Variants in SH2D4A observed in about 807,000 individuals in gnomAD.
SH2D4A encodes the protein SH2 domain containing 4A.
Under a neutral mutation model 64.7 loss-of-function variants are expected in SH2D4A, and 70 were observed. The ratio of observed to expected loss-of-function variants is 1.08; its 90% CI spans 0.89 to 1.32. The LOEUF (loss-of-function observed/expected upper bound fraction) is 1.32. Among genes scored for constraint, SH2D4A ranks in the 40% most tolerant of loss-of-function variants. The pLI is 0.00. For missense variants in SH2D4A, 706 were observed against 540.1 expected (o/e 1.31, Z -3.04); for synonymous variants, 268 against 200.7 (o/e 1.34, Z -2.83).
At chr8:19,372,796 C>T (rs2053125050) in intron 7 of SH2D4A, among the ~76,000 whole-genome samples, 1 of 151,182 alleles carries the variant, frequency 6.6e-6, no homozygotes, top group African/African-American at 2.4e-5. Flanking sequence ...GTATCTTTGT[C>T]TTTTCAAACT....
At chr8:19,329,797 C>T (rs184101130) in intron 2 of SH2D4A, among the ~76,000 whole-genome samples, 21 of 152,290 alleles carry the variant, frequency 1.4e-4, no homozygotes, top group Non-Finnish European at 2.5e-4. Flanking sequence ...CCATGTAAGA[C>T]GTTACAGGTG....
At chr8:19,359,733 G>A (rs999640983) in intron 5 of SH2D4A, among the ~76,000 whole-genome samples, 1 of 144,520 alleles carries the variant, frequency 6.9e-6, no homozygotes, top group Non-Finnish European at 1.5e-5. Context: ...CAGAAGTTTA[G>A]TTACATCTGC....
chr8:19,332,691 CAAAAA>C (rs58695585), intron 2 of SH2D4A, among the ~76,000 whole-genome samples: 7,356 of 81,546 alleles, frequency 0.09, 349 homozygotes, highest in African/African-American at 0.17. Flanking sequence ...GTGAGACTGT[CAAAAA>C]AAAAAAAAAA....
At chr8:19,352,187 A>T (rs1243924642) in intron 4 of SH2D4A, among the ~76,000 whole-genome samples, 1 of 152,262 alleles carries the variant, frequency 6.6e-6, no homozygotes, top group Non-Finnish European at 1.5e-5. Flanking sequence ...TTTGACAGAC[A>T]GACTCTGGGG....
chr8:19,350,255 G>T (rs1292957111), intron 4 of SH2D4A, among the ~76,000 whole-genome samples: 2 of 152,030 alleles, frequency 1.3e-5, no homozygotes, highest in Admixed American at 6.6e-5. Flanking sequence ...AAACTCCCTC[G>T]CATGTGAATG....
At position 19,314,796 on chromosome 8, in the gene SH2D4A, G is replaced by A. The variant is rs117137676; in HGVS notation, c.-205+973G>A. On this transcript the variant is annotated intron_variant, in intron 1 of 9. Coordinates refer to ENST00000265807, the MANE Select transcript of SH2D4A (RefSeq NM_022071.4). ...GGAATTCTCTATGTATACTAAATCT[G>A]TGTGTACAGTAATCTCAAATTTCTG... Among the ~76,000 whole-genome samples, 63 of 152,340 alleles carry A rather than the reference G, an allele frequency of 4.1e-4. No individual in the cohort carries two copies. The East Asian group carries it at 0.011, about 26-fold the overall frequency.
At chr8:19,380,353 T>C (rs1481890325) in intron 8 of SH2D4A, among the ~76,000 whole-genome samples, 1 of 152,204 alleles carries the variant, frequency 6.6e-6, no homozygotes, top group Non-Finnish European at 1.5e-5. Flanking sequence ...TGTCTTTTGA[T>C]GTATAAAATG....
At chr8:19,383,660 G>C (rs534949445) in intron 8 of SH2D4A, among the ~76,000 whole-genome samples, 1 of 151,794 alleles carries the variant, frequency 6.6e-6, no homozygotes, top group Non-Finnish European at 1.5e-5. Flanking sequence ...ATTGTTATAG[G>C]CTTTCTCTAT....
intron 7 of SH2D4A, among the ~76,000 whole-genome samples, chr8:19,373,316 C>G (rs1440203440): frequency 7.0e-6 from 1 of 142,932 alleles, no homozygotes; most frequent in Admixed American, 6.8e-5. Context: ...CTCCCATTCT[C>G]TCTCTCCCCC....
intron 8 of SH2D4A, among the ~76,000 whole-genome samples, chr8:19,387,964 C>T (rs1251326184): frequency 1.3e-5 from 2 of 152,186 alleles, no homozygotes; most frequent in African/African-American, 4.8e-5. Flanking sequence ...AGGAGCTTCT[C>T]AGTCCTCAGC....
At chr8:19,351,462 G>A (rs1426262408) in intron 4 of SH2D4A, among the ~76,000 whole-genome samples, 1 of 151,984 alleles carries the variant, frequency 6.6e-6, no homozygotes, top group Non-Finnish European at 1.5e-5. Context: ...AATTAGCCAG[G>A]CGTGCTGGCA....
At chr8:19,370,572 C>G (rs2053078100) in intron 7 of SH2D4A, among the ~76,000 whole-genome samples, 1 of 151,968 alleles carries the variant, frequency 6.6e-6, no homozygotes, top group Admixed American at 6.6e-5. Context: ...CTTTTGGTTT[C>G]CATTTGCATA....
chr8:19,319,285 CT>C lies in SH2D4A; in HGVS notation c.-204-58del. 2.6e-6 allele frequency: 3 copies of C among 1,132,738 alleles called. No individual in the cohort carries two copies. The East Asian group carries it at 1.3e-4, about 50-fold the overall frequency. 70.2% of individuals were successfully genotyped at this position (1,132,738 alleles called of 1,614,324 possible). A position where few individuals can be genotyped will look rare whatever the true frequency, so the allele number is the denominator to read the frequency against. On this transcript the variant is annotated intron_variant, in intron 1 of 9. Coordinates refer to ENST00000265807, the MANE Select transcript of SH2D4A (RefSeq NM_022071.4). Reference sequence around the variant, plus strand: ...CCTAGCTTTTTTTTTTAAACCCGTCCTAGCCAGTGTCCACACATTTTAACAC... The same window carrying C: ...CCTAGCTTTTTTTTTTAAACCCGTCCAGCCAGTGTCCACACATTTTAACAC...
rs1563181672 is a variant in SH2D4A, at chr8:19,319,457, A to C, written c.-91A>C. The C allele has an allele frequency of 5.9e-6, 8 of 1,350,524 alleles. No homozygotes were observed. The highest frequency in any genetic ancestry group is 7.6e-6 in the Non-Finnish European group (8 of 1,046,430). The allele number at this position is 1,350,524 out of a possible 1,614,324, so 83.7% of individuals were successfully genotyped here. Reference sequence around the variant, plus strand: ...TGAGCTGTTTGGGAAGTTTCGTGGAAACGCCCAAGTGCCAGCACAGGTGGA... The same window carrying C: ...TGAGCTGTTTGGGAAGTTTCGTGGACACGCCCAAGTGCCAGCACAGGTGGA... On this transcript the variant is annotated 5_prime_UTR_variant, in exon 2 of 10. Transcript: ENST00000265807.
intron 4 of SH2D4A, among the ~76,000 whole-genome samples, chr8:19,355,073 C>T (rs1452231956): frequency 2.6e-5 from 4 of 152,124 alleles, no homozygotes; most frequent in Non-Finnish European, 5.9e-5. Flanking sequence ...TGATAAGTAG[C>T]AATTGTGAAA....
intron 1 of SH2D4A, 128 bp downstream of exon 1, chr8:19,313,951 C>A: frequency 7.8e-7 from 1 of 1,276,252 alleles, no homozygotes; most frequent in African/African-American, 1.5e-5. Context: ...CGGGCGGAAG[C>A]CTCACCCCCG....
intron 7 of SH2D4A, among the ~76,000 whole-genome samples, chr8:19,368,620 C>CTT (rs34764005): frequency 0.1 from 13,943 of 136,036 alleles, 936 homozygotes; most frequent in East Asian, 0.28. Context: ...AATAAAATTG[C>CTT]TTTTTTTTTT....
At chr8:19,394,469 G>GCTAGTGATGT (rs2053552535) in intron 9 of SH2D4A, 81 bp from the exon 10 acceptor site, 4 of 909,418 alleles carry the variant, frequency 4.4e-6, no homozygotes, top group Admixed American at 2.7e-5. Flanking sequence ...TGGGTAGGCA[G>GCTAGTGATGT]CTAGTGATGT....
In SH2D4A at chr8:19,387,814, G is replaced by A. The variant is rs577767150; in HGVS notation, c.1049-5504G>A. On this transcript the variant is annotated intron_variant, in intron 8 of 9. Transcript: ENST00000265807. ...AGTAGGGTTGTTCCTGCCTCAATAT[G>A]TGCATGTAATTTGTTGGTAATATTT... Among the ~76,000 whole-genome samples the A allele has an allele frequency of 2.0e-5, 3 of 152,156 alleles. No individual in the cohort carries two copies. In the South Asian group the frequency reaches 6.2e-4, roughly 31 times the overall value.
Sources: gnomAD v4.1 joint callset for allele counts (sites outside exome capture counted in the v4.1 genomes callset) on GRCh38, gnomAD v4.1.1 for gene constraint, MANE v1.5 for transcripts, NCBI Gene and HGNC (gene_info 2026-07-23, HGNC 2026-07-21) for gene names.